Variants in UCN3 observed in about 807,000 individuals in gnomAD.
The protein encoded by UCN3 is urocortin 3.
In UCN3, 3 loss-of-function variants were observed where a neutral mutation model predicts 3.6. That is an observed-to-expected ratio of 0.83 (90% CI 0.38 to 2.15). UCN3 has a LOEUF of 2.15. Among genes scored for constraint, UCN3 ranks in the 30% most tolerant of loss-of-function variants. The probability of loss-of-function intolerance (pLI) is 0.06; values close to 1 mark genes in which losing one functional copy is unlikely to be tolerated. For synonymous variants in UCN3, 100 were observed against 93.2 expected, an observed-to-expected ratio of 1.07 and a Z score of -0.42; for missense variants, 206 against 208.3, an observed-to-expected ratio of 0.99 and a Z score of 0.07.
Position 5,373,891 on chromosome 10 carries a change from G to A in UCN3, c.171G>A (p.Arg57=). 2 of 1,614,002 alleles carry A rather than the reference G, an allele frequency of 1.2e-6. No individual in the cohort carries two copies. The highest frequency in any genetic ancestry group is 1.3e-5 in the African/African-American group (1 of 75,028). The change falls in exon 2 of 2, where the codon AGG becomes AGA. Residue 57 remains arginine (R), a synonymous_variant. Transcript: ENST00000380433. Reference sequence around the variant, plus strand: ...AGGATGCATCCCTGCTGAGCAAGAGGAGCTTCCACTACCTGCGCAGCAGAG... The same window carrying A: ...AGGATGCATCCCTGCTGAGCAAGAGAAGCTTCCACTACCTGCGCAGCAGAG... The part of the protein sequence containing the change: ...QWEDASLLSK[R]SFHYLRSRDA...
At chr10:5,370,469 A>G (rs1329281045) in intron 1 of UCN3, among the ~76,000 whole-genome samples, 12 of 58,644 alleles carry the variant, frequency 2.0e-4, no homozygotes, top group East Asian at 8.2e-4. Flanking sequence ...ATGTGTGTAT[A>G]TGCGTGTGTA....
At chr10:5,371,707 G>A (rs1346732331) in intron 1 of UCN3, among the ~76,000 whole-genome samples, 1 of 152,162 alleles carries the variant, frequency 6.6e-6, no homozygotes, top group Non-Finnish European at 1.5e-5. Flanking sequence ...GCTCTGCACT[G>A]TCACCGCAAG....
chr10:5,369,474 G>C (rs73615945), intron 1 of UCN3, among the ~76,000 whole-genome samples: 9,904 of 152,200 alleles, frequency 0.065, 437 homozygotes, highest in South Asian at 0.16. Context: ...ATTTATCAGA[G>C]AAGGAAATTG....
chr10:5,374,409 A>G lies in UCN3; in HGVS notation c.*203A>G, dbSNP rs1831476162. 5 of 587,480 alleles carry G rather than the reference A, an allele frequency of 8.5e-6. No individual in the cohort carries two copies. The highest frequency in any genetic ancestry group is 2.0e-5 in the South Asian group (1 of 49,952). 36.4% of individuals were successfully genotyped at this position (587,480 alleles called of 1,614,324 possible). A position where few individuals can be genotyped will look rare whatever the true frequency, so the allele number is the denominator to read the frequency against. On this transcript the variant is annotated 3_prime_UTR_variant, in exon 2 of 2. Transcript: ENST00000380433. ...TGTCTCCCTCCTGCTCTGTCTGTAC[A>G]CACAGAAGTGCAGTATTGTCCAACC...
In UCN3 at chr10:5,365,185, G is replaced by A. The variant is rs961734519; in HGVS notation, c.-52G>A. On this transcript the variant is annotated 5_prime_UTR_variant, in exon 1 of 2. Transcript: ENST00000380433. This position sits in a 1 kb window ranked among gnomAD's most constrained non-coding sequence, Gnocchi z 4.4. Reference sequence around the variant, plus strand: ...GCCGCCCTCCTGGCCCTGAAGCTGCGCCGGCCTCCCTGAGCGTTTCGCTGC... The same window carrying A: ...GCCGCCCTCCTGGCCCTGAAGCTGCACCGGCCTCCCTGAGCGTTTCGCTGC... The A allele has an allele frequency of 6.6e-6, 1 of 152,374 alleles. No individual in the cohort carries two copies. The highest frequency in any genetic ancestry group is 1.5e-5 in the Non-Finnish European group (1 of 68,164). 9.4% of individuals were successfully genotyped at this position (152,374 alleles called of 1,614,324 possible).
rs958677280 is a variant in UCN3, at chr10:5,365,564, A to G, written c.-7+334A>G. On this transcript the variant is annotated intron_variant, in intron 1 of 1. Transcript: ENST00000380433. This position sits in a 1 kb window ranked among gnomAD's most constrained non-coding sequence, Gnocchi z 4.4. ...TGTGCACAGGAAAGTCAGTCCTCGG[A>G]GACAGTTTACAAATGGGGATGGGGT... Among the ~76,000 whole-genome samples, 22 of 152,156 alleles carry G rather than the reference A, an allele frequency of 1.4e-4. No individual in the cohort carries two copies. The highest frequency in any genetic ancestry group is 1.5e-5 in the Non-Finnish European group (1 of 68,024).
At chr10:5,370,976 G>T (rs1488574330) in intron 1 of UCN3, among the ~76,000 whole-genome samples, 2 of 150,358 alleles carry the variant, frequency 1.3e-5, no homozygotes, top group African/African-American at 2.5e-5. Flanking sequence ...GTGTATGTAT[G>T]TACATGTGAG....
chr10:5,373,765 G>C lies in UCN3; in HGVS notation c.45G>C (p.Leu15=), dbSNP rs1280045519. ...TCCTGCTGCTCCTGCTGCTGCTCCTGGGGGGCCCCAGGACAGGCCTCCCCC... is the reference window on the plus strand; with the variant it reads ...TCCTGCTGCTCCTGCTGCTGCTCCTCGGGGGCCCCAGGACAGGCCTCCCCC... The part of the protein sequence containing the change: ...VHFLLLLLLL[L]GGPRTGLPHK... Residue 15 remains leucine (L), a synonymous_variant, in exon 2 of 2, where the codon CTG becomes CTC. Coordinates refer to ENST00000380433, the MANE Select transcript of UCN3 (RefSeq NM_053049.4). 1 of 1,613,768 alleles carries C rather than the reference G, an allele frequency of 6.2e-7. No homozygotes were observed. Among genetic ancestry groups the C allele is most frequent in the Admixed American group, 1.7e-5 (1 of 60,006 alleles).
In UCN3 at chr10:5,373,966, C is replaced by T. The variant is rs1554811788; in HGVS notation, c.246C>T (p.Pro82=). ...AGGGCAAAGAGAAAAAGACTTTCCCCATCTCTGGGGCCAGGGGTGGAGCCA... is the reference window on the plus strand; with the variant it reads ...AGGGCAAAGAGAAAAAGACTTTCCCTATCTCTGGGGCCAGGGGTGGAGCCA... ...EEEGKEKKTF[P]ISGARGGARG... is the part of the protein sequence containing the mutation. Residue 82 remains proline, a synonymous_variant, in exon 2 of 2, where the codon CCC becomes CCT. Coordinates refer to ENST00000380433, the MANE Select transcript of UCN3 (RefSeq NM_053049.4). 5 of 1,610,354 alleles carry T rather than the reference C, an allele frequency of 3.1e-6. No individual in the cohort carries two copies. In the South Asian group the frequency reaches 4.4e-5, roughly 14 times the overall value.
At position 5,367,976 on chromosome 10, in the gene UCN3, G is replaced by T. The variant is rs1361273214; in HGVS notation, c.-7+2746G>T. 6.6e-6 allele frequency among the ~76,000 whole-genome samples: 1 copy of T among 151,996 alleles called. No homozygotes were observed. Among genetic ancestry groups the T allele is most frequent in the East Asian group, 1.9e-4 (1 of 5,188 alleles). On this transcript the variant is annotated intron_variant, in intron 1 of 1. Coordinates refer to ENST00000380433, the MANE Select transcript of UCN3 (RefSeq NM_053049.4). This position sits in a 1 kb window ranked among gnomAD's most constrained non-coding sequence, Gnocchi z 4.3. ...AGGGAGGCCTGAGGGTAGCTCCAGG[G>T]TTGCATCTCAGCACCCTCTAATTTT... is the stretch of plus-strand genomic sequence containing the variant.
intron 1 of UCN3, among the ~76,000 whole-genome samples, chr10:5,370,139 GTA>G (rs782242406): frequency 1.9e-5 from 1 of 52,256 alleles, no homozygotes; most frequent in African/African-American, 9.3e-5. Context: ...GTATGTGTGT[GTA>G]TGCGTGTGTA....
rs2132244710 is a variant in UCN3 at position 5,367,569 on chromosome 10, C to A, written c.-7+2339C>A. On this transcript the variant is annotated intron_variant, in intron 1 of 1. Coordinates refer to ENST00000380433, the MANE Select transcript of UCN3 (RefSeq NM_053049.4). The surrounding 1 kb of genome is among the most constrained non-coding windows in gnomAD (Gnocchi z 4.3). Reference sequence around the variant, plus strand: ...AGCATCCTGAGTCACTGCTGAGAGCCAAATGACCCAGAGGGATAGTGAAAG... The same window carrying A: ...AGCATCCTGAGTCACTGCTGAGAGCAAAATGACCCAGAGGGATAGTGAAAG... Among the ~76,000 whole-genome samples, 1 of 152,268 alleles carries A rather than the reference C, an allele frequency of 6.6e-6. No homozygotes were observed. The highest frequency in any genetic ancestry group is 1.5e-5 in the Non-Finnish European group (1 of 68,020).
At chr10:5,371,421 T>G (rs1012337813) in intron 1 of UCN3, among the ~76,000 whole-genome samples, 4 of 149,114 alleles carry the variant, frequency 2.7e-5, no homozygotes, top group Non-Finnish European at 4.4e-5. Context: ...TGTGTGCTTG[T>G]CTATGTTCCT....
chr10:5,374,248 A>T lies in UCN3; in HGVS notation c.*42A>T. ...GGAGGGCAGCGGGGTGGGGAGGGGG[A>T]GGGGAGGGGGAGGGGAGGGCGAGGG... is the stretch of plus-strand genomic sequence containing the variant. On this transcript the variant is annotated 3_prime_UTR_variant, in exon 2 of 2. Transcript: ENST00000380433. 1 of 11,304 alleles carries T rather than the reference A, an allele frequency of 8.8e-5. No individual in the cohort carries two copies. Among genetic ancestry groups the T allele is most frequent in the Non-Finnish European group, 1.7e-4 (1 of 5,920 alleles). The allele number at this position is 11,304 out of a possible 1,614,324, so 0.7% of individuals were successfully genotyped here.
chr10:5,372,217 C>A (rs782235033), intron 1 of UCN3, among the ~76,000 whole-genome samples: 28 of 152,316 alleles, frequency 1.8e-4, no homozygotes, highest in Admixed American at 4.6e-4. Context: ...GGACTGACTG[C>A]AGAATGGTGG....
Position 5,373,763 on chromosome 10 carries a change from C to G in UCN3, c.43C>G (p.Leu15Val), listed in dbSNP as rs782441318. Residue 15 changes from leucine (L) to valine (V), a missense_variant, in exon 2 of 2, where the codon CTG becomes GTG. Transcript: ENST00000380433. The stretch of plus-strand genomic sequence containing the variant: ...CTTCCTGCTGCTCCTGCTGCTGCTC[C>G]TGGGGGGCCCCAGGACAGGCCTCCC... ...VHFLLLLLLL[L>V]GGPRTGLPHK... The G allele has an allele frequency of 1.1e-5, 17 of 1,613,946 alleles. No individual in the cohort carries two copies. The East Asian group carries it at 3.3e-4, about 32-fold the overall frequency.
chr10:5,370,859 G>GTA lies in UCN3; in HGVS notation c.-6-2855_-6-2854insAT, dbSNP rs1376883955. ...TGTGCGCGTGTGTGTGCGCGTGTGT[G>GTA]TGCGTGTGTATGTGTGTGTATATGC... On this transcript the variant is annotated intron_variant, in intron 1 of 1. Transcript: ENST00000380433. Among the ~76,000 whole-genome samples the GTA allele has an allele frequency of 5.9e-4, 67 of 113,582 alleles. 3 individuals carry two copies. The highest frequency in any genetic ancestry group is 1.9e-3 in the African/African-American group (51 of 26,662). 74.5% of individuals were successfully genotyped at this position (113,582 alleles called of 152,430 possible).
chr10:5,370,222 T>A (rs1831347996), intron 1 of UCN3, among the ~76,000 whole-genome samples: 1 of 91,842 alleles, frequency 1.1e-5, no homozygotes, highest in African/African-American at 5.7e-5. Context: ...TGTGTGTGTA[T>A]GTGCGTGTGT....
At position 5,373,842 on chromosome 10, in the gene UCN3, C is replaced by A. The variant is rs201053453; in HGVS notation, c.122C>A (p.Ser41Tyr). Residue 41 changes from serine (S) to tyrosine (Y), a missense_variant, in exon 2 of 2, where the codon TCT becomes TAT. Physicochemically the swap from Ser to Tyr is moderately radical, Grantham distance 144 (BLOSUM62 -2). Transcript: ENST00000380433. ...TTCAGCTGCCTCAACACCGCCCTGT[C>A]TGAGGCTGAGAAGGGCCAGTGGGAG... ...PIFSCLNTAL[S>Y]EAEKGQWEDA... 1.2e-6 allele frequency: 2 copies of A among 1,614,096 alleles called. No individual in the cohort carries two copies. The highest frequency in any genetic ancestry group is 8.5e-7 in the Non-Finnish European group (1 of 1,179,984).
Sources: allele counts gnomAD v4.1 joint callset (sites outside exome capture counted in the v4.1 genomes callset), GRCh38; gene constraint gnomAD v4.1.1; non-coding constraint Gnocchi (gnomAD v3.1); transcripts MANE v1.5; gene names NCBI Gene and HGNC (gene_info 2026-07-23, HGNC 2026-07-21).